The following INPP5A variants were observed in gnomAD, a reference collection of about 807,000 sequenced individuals.
INPP5A encodes the protein inositol polyphosphate-5-phosphatase A.
INPP5A carries 14 observed loss-of-function variants against 65.2 expected under a neutral mutation model. The ratio of observed to expected loss-of-function variants is 0.21; its 90% confidence interval spans 0.14 to 0.34. The LOEUF is 0.34. Among genes scored for constraint, INPP5A ranks in the 10% least tolerant of loss-of-function variants. The pLI is 1.00. For synonymous variants in INPP5A, 207 were observed against 208.3 expected (o/e 0.99, Z 0.05); for missense variants, 431 against 545.6 (o/e 0.79, Z 2.09).
intron 5 of INPP5A, among the ~76,000 whole-genome samples, chr10:132,692,763 G>GC: frequency 6.6e-6 from 1 of 152,316 alleles, no homozygotes; most frequent in Non-Finnish European, 1.5e-5. Context: ...GTAATTTGTT[G>GC]CCAGTAGACC....
intron 1 of INPP5A, among the ~76,000 whole-genome samples, chr10:132,582,027 A>T (rs1206540625): frequency 4.0e-5 from 6 of 151,632 alleles, no homozygotes; most frequent in Admixed American, 6.6e-5. Flanking sequence ...TTTAGTAGAG[A>T]CGGGGGTTTC....
At chr10:132,687,872 G>T (rs1020625881) in intron 4 of INPP5A, among the ~76,000 whole-genome samples, 3 of 152,242 alleles carry the variant, frequency 2.0e-5, no homozygotes, top group Admixed American at 2.0e-4. Flanking sequence ...CCACCATGGC[G>T]TCGGTGCACA....
intron 4 of INPP5A, among the ~76,000 whole-genome samples, chr10:132,668,246 T>G (rs937997915): frequency 1.3e-5 from 2 of 152,126 alleles, no homozygotes; most frequent in African/African-American, 4.8e-5. Flanking sequence ...GATCCTTTCT[T>G]AGGTGAAATG....
intron 4 of INPP5A, among the ~76,000 whole-genome samples, chr10:132,666,499 C>T (rs998573911): frequency 2.0e-5 from 3 of 152,024 alleles, no homozygotes; most frequent in Non-Finnish European, 4.4e-5. Flanking sequence ...GGTTTGAAAA[C>T]AGCCACAAAA....
chr10:132,710,485 G>T, intron 8 of INPP5A, 29 bp downstream of exon 8: 1 of 1,606,250 alleles, frequency 6.2e-7, no homozygotes, highest in Non-Finnish European at 8.5e-7. Context: ...GTAGGCGTGG[G>T]CCGGGCAAGT....
In INPP5A at chr10:132,731,619, G is replaced by A. The variant is rs114662944; in HGVS notation, c.732+4714G>A. Among the ~76,000 whole-genome samples, 309 of 152,336 alleles carry A rather than the reference G, an allele frequency of 2.0e-3. 3 individuals are homozygous for A. Among genetic ancestry groups the A allele is most frequent in the Middle Eastern group, 0.014 (4 of 294 alleles). ...AGACATGAGGAGGGGACCAAGGAAG[G>A]GCACGCAGGAGGTGGTGGCTGAGCC... On this transcript the variant is annotated intron_variant, in intron 9 of 15. Coordinates refer to ENST00000368594, the MANE Select transcript of INPP5A (RefSeq NM_005539.5).
At chr10:132,648,426 G>A (rs1425577271) in intron 3 of INPP5A, among the ~76,000 whole-genome samples, 1 of 152,378 alleles carries the variant, frequency 6.6e-6, no homozygotes, top group South Asian at 2.1e-4. Flanking sequence ...AGATTAAGAC[G>A]TGAGAGAAAC....
intron 9 of INPP5A, among the ~76,000 whole-genome samples, chr10:132,736,254 G>A (rs1035517251): frequency 2.0e-5 from 3 of 152,226 alleles, no homozygotes; most frequent in Non-Finnish European, 4.4e-5. Context: ...CAGCTGGGGC[G>A]CTCAGCTGGC....
intron 1 of INPP5A, among the ~76,000 whole-genome samples, chr10:132,569,146 A>G (rs2071307718): frequency 6.6e-6 from 1 of 151,848 alleles, no homozygotes; most frequent in African/African-American, 2.4e-5. Flanking sequence ...CTTTTTTTGA[A>G]ATTATTTTAA....
intron 4 of INPP5A, among the ~76,000 whole-genome samples, chr10:132,671,657 A>G (rs1430125757): frequency 1.3e-5 from 2 of 152,148 alleles, no homozygotes; most frequent in Non-Finnish European, 2.9e-5. Context: ...AGCAGCACCA[A>G]CACCTCCTGG....
At chr10:132,760,406 A>G (rs1846711954) in intron 11 of INPP5A, among the ~76,000 whole-genome samples, 1 of 152,356 alleles carries the variant, frequency 6.6e-6, no homozygotes, top group East Asian at 1.9e-4. Context: ...TGAGTGCTCC[A>G]TGAGAGCTGT....
intron 4 of INPP5A, among the ~76,000 whole-genome samples, chr10:132,677,381 A>G (rs2072980573): frequency 6.6e-6 from 1 of 152,240 alleles, no homozygotes; most frequent in African/African-American, 2.4e-5. Flanking sequence ...CATGTCTGAG[A>G]ACATATGTGG....
rs889203899 is a variant in INPP5A, at chr10:132,538,049, G to GGCC, written c.-32_-30dup. ...CCGGCCGGCCGGTCCCGGAGGAAGC[G>GGCC]GCCGCCGCCGCCGCCGCCCAGCCCA... On this transcript the variant is annotated 5_prime_UTR_variant, in exon 1 of 16. Transcript: ENST00000368594. The surrounding 1 kb of genome is among the most constrained non-coding windows in gnomAD (Gnocchi z 4.1). 1.3e-3 allele frequency: 1,285 copies of GGCC among 964,192 alleles called. 13 individuals carry two copies. In the African/African-American group the frequency reaches 0.02, roughly 15 times the overall value. The allele number at this position is 964,192 out of a possible 1,614,324, so 59.7% of individuals were successfully genotyped here. A position where few individuals can be genotyped will look rare whatever the true frequency, so the allele number is the denominator to read the frequency against.
At chr10:132,629,804 A>G (rs898848226) in intron 2 of INPP5A, among the ~76,000 whole-genome samples, 2 of 151,716 alleles carry the variant, frequency 1.3e-5, no homozygotes, top group East Asian at 3.9e-4. Context: ...GGGAGGGTCC[A>G]TGAGTGGAGG....
chr10:132,600,871 G>A (rs1292537580), intron 1 of INPP5A, among the ~76,000 whole-genome samples: 1 of 152,184 alleles, frequency 6.6e-6, no homozygotes, highest in Non-Finnish European at 1.5e-5. Flanking sequence ...AGAATAGCAT[G>A]GGAAAGACTG....
chr10:132,744,715 T>C (rs1372417107), intron 9 of INPP5A, among the ~76,000 whole-genome samples: 1 of 152,164 alleles, frequency 6.6e-6, no homozygotes, highest in Admixed American at 6.5e-5. Context: ...TTTTACTCCC[T>C]GCATTGAGGT....
chr10:132,589,066 T>G (rs1351665312), intron 1 of INPP5A, among the ~76,000 whole-genome samples: 1 of 152,208 alleles, frequency 6.6e-6, no homozygotes, highest in African/African-American at 2.4e-5. Flanking sequence ...CCATCAGTGG[T>G]CACTGTTTCT....
chr10:132,566,014 G>T (rs1378187935), intron 1 of INPP5A, among the ~76,000 whole-genome samples: 1 of 152,046 alleles, frequency 6.6e-6, no homozygotes, highest in African/African-American at 2.4e-5. Context: ...GTCGGTCTCG[G>T]GGAGGCGTTG....
chr10:132,645,065 C>G (rs1204825809), intron 2 of INPP5A, among the ~76,000 whole-genome samples: 1 of 152,238 alleles, frequency 6.6e-6, no homozygotes, highest in East Asian at 1.9e-4. Flanking sequence ...CCAGGTCACA[C>G]AGGAAGCCGC....
Sources: gnomAD v4.1 joint callset for allele counts (sites outside exome capture counted in the v4.1 genomes callset) on GRCh38, gnomAD v4.1.1 for gene constraint, Gnocchi (gnomAD v3.1) non-coding constraint, MANE v1.5 for transcripts, NCBI Gene and HGNC (gene_info 2026-07-23, HGNC 2026-07-21) for gene names.